The following CEP170B variants were observed in gnomAD, a reference collection of about 807,000 sequenced individuals.
CEP170B encodes centrosomal protein of 170 kDa protein B.
Under a neutral mutation model 120.6 loss-of-function variants are expected in CEP170B, and 55 were observed. The ratio of observed to expected loss-of-function variants is 0.46; its 90% CI spans 0.37 to 0.57. The LOEUF is 0.57. CEP170B is among the 20% of genes least tolerant of loss of function. CEP170B has a pLI of 0.00. For synonymous variants in CEP170B, 1,033 were observed against 954.5 expected (o/e 1.08, Z -1.52); for missense variants, 2,212 against 2,253.3 (o/e 0.98, Z 0.37).
chr14:104,881,191 G>A (rs1445526439), intron 6 of CEP170B, among the ~76,000 whole-genome samples: 2 of 152,172 alleles, frequency 1.3e-5, no homozygotes, highest in Non-Finnish European at 2.9e-5. Flanking sequence ...AGAAGTCTGG[G>A]AGGAGGACAG....
chr14:104,886,414 A>G lies in CEP170B; in HGVS notation c.2175A>G (p.Pro725=), dbSNP rs1896510018. ...GCAGCAGGAGGAGTGGGCCTGGGCC[A>G]CCGGAGCTGGACAGTGAGCAGCCCA... The part of the protein sequence containing the change: ...PESSRRSGPG[P]PELDSEQPSR... Residue 725 remains proline, a synonymous_variant, in exon 12 of 19, where the codon CCA becomes CCG. Coordinates refer to ENST00000414716, the MANE Select transcript of CEP170B (RefSeq NM_001112726.3). 6.3e-7 allele frequency: 1 copy of G among 1,580,264 alleles called. No homozygotes were observed. Among genetic ancestry groups the G allele is most frequent in the African/African-American group, 1.3e-5 (1 of 74,290 alleles).
chr14:104,872,229 C>T (rs1192535194), intron 2 of CEP170B, among the ~76,000 whole-genome samples: 24 of 112,470 alleles, frequency 2.1e-4, no homozygotes, highest in Non-Finnish European at 3.8e-4. Flanking sequence ...CATGGGTGTG[C>T]CGTGCGTGTG....
In CEP170B at chr14:104,887,589, C is replaced by T. The variant is rs62641741; in HGVS notation, c.3350C>T (p.Thr1117Ile). The T allele has an allele frequency of 4.7e-4, 753 of 1,587,570 alleles. 4 individuals are homozygous for T. In the African/African-American group the frequency reaches 8.7e-3, roughly 18 times the overall value. ...TTGACCCGCTCCAACAGCCTGTCCA[C>T]CCCTCGCCCCACACGGGCCTCCCGG... ...QALTRSNSLS[T>I]PRPTRASRLR... Residue 1117 changes from threonine (T) to isoleucine (I), a missense_variant, in exon 12 of 19, where the codon ACC becomes ATC. Around this residue, in one of 2 missense-constraint regions of CEP170B, gnomAD observed 2,166 missense variants for 2,166.7 expected, o/e 1.00. Transcript: ENST00000414716.
chr14:104,879,082 G>A (rs932524754), intron 5 of CEP170B, among the ~76,000 whole-genome samples: 2 of 152,214 alleles, frequency 1.3e-5, no homozygotes, highest in African/African-American at 2.4e-5. Flanking sequence ...CTCAGGTTAA[G>A]TAGCTTTGGG....
At chr14:104,881,405 C>G (rs1414297078) in intron 6 of CEP170B, among the ~76,000 whole-genome samples, 2 of 152,184 alleles carry the variant, frequency 1.3e-5, no homozygotes, top group African/African-American at 4.8e-5. Flanking sequence ...CCTGCCACCC[C>G]CAGCTTTGGC....
In CEP170B at chr14:104,884,061, G is replaced by C; in HGVS notation, c.1282G>C (p.Gly428Arg). The change falls in exon 9 of 19, where the codon GGG becomes CGG. Residue 428 changes from glycine (G) to arginine (R), a missense_variant. By Grantham distance (125) the Gly-to-Arg change is moderately radical. Coordinates refer to ENST00000414716, the MANE Select transcript of CEP170B (RefSeq NM_001112726.3). The part of the protein sequence containing the change: ...RSQSFTHSPS[G>R]DPKADKRRGP... ...CCAGTCCTTCACGCACAGCCCGTCC[G>C]GGGACCCCAAGGCCGACAAGCGCCG... The C allele has an allele frequency of 6.2e-7, 1 of 1,607,896 alleles. No individual in the cohort carries two copies. The highest frequency in any genetic ancestry group is 8.5e-7 in the Non-Finnish European group (1 of 1,177,410).
chr14:104,889,180 ACT>A (rs1456886349), intron 12 of CEP170B, among the ~76,000 whole-genome samples: 1 of 151,798 alleles, frequency 6.6e-6, no homozygotes, highest in African/African-American at 2.4e-5. Flanking sequence ...GGGGAGGTTT[ACT>A]CTGTTTTGGG....
At chr14:104,889,967 TA>T (rs1311210810) in intron 13 of CEP170B, among the ~76,000 whole-genome samples, 1 of 20,584 alleles carries the variant, frequency 4.9e-5, no homozygotes, top group African/African-American at 1.2e-4. Flanking sequence ...GATGGATGGA[TA>T]GGAGGGTGGG....
chr14:104,887,766 G>A lies in CEP170B; in HGVS notation c.3527G>A (p.Arg1176Gln), dbSNP rs757788364. The A allele has an allele frequency of 3.5e-5, 55 of 1,579,442 alleles. No homozygotes were observed. The highest frequency in any genetic ancestry group is 4.4e-5 in the Non-Finnish European group (51 of 1,164,234). ...RLDILAMPRKRAGSFTGTSDP... is the reference protein window; with the variant it reads ...RLDILAMPRKQAGSFTGTSDP... The stretch of plus-strand genomic sequence containing the variant: ...GACATCCTGGCCATGCCCCGGAAGC[G>A]GGCCGGCTCCTTCACAGGGACTAGT... Residue 1176 changes from arginine to glutamine, a missense_variant, in exon 12 of 19, where the codon CGG becomes CAG. Physicochemically the swap from Arg to Gln is conservative, Grantham distance 43. Coordinates refer to ENST00000414716, the MANE Select transcript of CEP170B (RefSeq NM_001112726.3).
In CEP170B at chr14:104,884,535, A is replaced by G; in HGVS notation, c.1756A>G (p.Lys586Glu). ...AQDTEVEEAR[K>E]MIDQVFGVLE... is the part of the protein sequence containing the mutation. ...GGACACGGAGGTGGAGGAGGCCCGGAAGATGATCGACCAGGTGCAGCCCAG... is the reference window on the plus strand; with the variant it reads ...GGACACGGAGGTGGAGGAGGCCCGGGAGATGATCGACCAGGTGCAGCCCAG... The change falls in exon 9 of 19, where the codon AAG (lysine) becomes GAG (glutamate). Residue 586 changes from lysine to glutamate, a missense_variant. Lys to Glu is a moderately conservative substitution (Grantham distance 56). Coordinates refer to ENST00000414716, the MANE Select transcript of CEP170B (RefSeq NM_001112726.3). 1 of 1,559,304 alleles carries G rather than the reference A, an allele frequency of 6.4e-7. No individual in the cohort carries two copies. The highest frequency in any genetic ancestry group is 8.7e-7 in the Non-Finnish European group (1 of 1,151,680).
rs1007509279 is a variant in CEP170B, at chr14:104,870,001, T to A, written c.105+1446T>A. Among the ~76,000 whole-genome samples, 20 of 152,260 alleles carry A rather than the reference T, an allele frequency of 1.3e-4. No homozygotes were observed. Among genetic ancestry groups the A allele is most frequent in the African/African-American group, 4.8e-4 (20 of 41,472 alleles). On this transcript the variant is annotated intron_variant, in intron 2 of 18. Coordinates refer to ENST00000414716, the MANE Select transcript of CEP170B (RefSeq NM_001112726.3). The surrounding 1 kb of genome is among the most constrained non-coding windows in gnomAD (Gnocchi z 4.1). Reference sequence around the variant, plus strand: ...ACCTTGTGGTTGGTTGTTCCGGCTCTGAAGTTCTTTAATCTGGAACATTCT... The same window carrying A: ...ACCTTGTGGTTGGTTGTTCCGGCTCAGAAGTTCTTTAATCTGGAACATTCT...
intron 4 of CEP170B, 128 bp from the exon 5 acceptor site, chr14:104,878,315 G>T: frequency 1.1e-6 from 1 of 934,148 alleles, no homozygotes; most frequent in Non-Finnish European, 1.7e-6. Flanking sequence ...GTGCCTCCCC[G>T]GGAAGAAAGA....
chr14:104,870,443 G>A lies in CEP170B; in HGVS notation c.105+1888G>A, dbSNP rs1245081291. Among the ~76,000 whole-genome samples, 1 of 152,196 alleles carries A rather than the reference G, an allele frequency of 6.6e-6. No individual in the cohort carries two copies. The highest frequency in any genetic ancestry group is 1.5e-5 in the Non-Finnish European group (1 of 68,036). ...CTGTATTTGGCGGGTTGCTCCCATG[G>A]TCTGCGTACAGGGGTGGCATCAGTG... On this transcript the variant is annotated intron_variant, in intron 2 of 18. Coordinates refer to ENST00000414716, the MANE Select transcript of CEP170B (RefSeq NM_001112726.3). This position sits in a 1 kb window ranked among gnomAD's most constrained non-coding sequence, Gnocchi z 4.1.
chr14:104,877,851 T>A, intron 3 of CEP170B, 34 bp from the exon 4 acceptor site: 5 of 372,892 alleles, frequency 1.3e-5, no homozygotes, highest in Non-Finnish European at 1.7e-5. Context: ...CCCGCGCAGC[T>A]CCCCCCCCCC....
chr14:104,866,216 G>GT (rs1455015056), intron 1 of CEP170B, among the ~76,000 whole-genome samples: 7 of 152,282 alleles, frequency 4.6e-5, no homozygotes, highest in African/African-American at 1.7e-4. Flanking sequence ...GGCCGGGGCA[G>GT]TGGGTGGCCT....
chr14:104,868,111 A>G lies in CEP170B; in HGVS notation c.-27-313A>G, dbSNP rs1895284120. On this transcript the variant is annotated intron_variant, in intron 1 of 18. Transcript: ENST00000414716. The surrounding 1 kb of genome is among the most constrained non-coding windows in gnomAD (Gnocchi z 5.9). Reference sequence around the variant, plus strand: ...TACAGGCAGTGCAGCCAGTGTCCCCATGAACTTCAACCCCTGACACCTGGA... The same window carrying G: ...TACAGGCAGTGCAGCCAGTGTCCCCGTGAACTTCAACCCCTGACACCTGGA... Among the ~76,000 whole-genome samples, 1 of 152,080 alleles carries G rather than the reference A, an allele frequency of 6.6e-6. No individual in the cohort carries two copies. Among genetic ancestry groups the G allele is most frequent in the Non-Finnish European group, 1.5e-5 (1 of 67,974 alleles).
In CEP170B at chr14:104,896,341, G is replaced by C. The variant is rs953102467; in HGVS notation, c.*1383G>C. 3.0e-6 allele frequency: 1 copy of C among 338,910 alleles called. No individual in the cohort carries two copies. The highest frequency in any genetic ancestry group is 5.9e-6 in the Non-Finnish European group (1 of 169,920). 21.0% of individuals were successfully genotyped at this position (338,910 alleles called of 1,614,324 possible). A position where few individuals can be genotyped will look rare whatever the true frequency, so the allele number is the denominator to read the frequency against. ...CGTGTGTGTGTGAGGGGGGGCGGGG[G>C]TGGCAGGTGTCCCCCCCTGGTCCCC... On this transcript the variant is annotated 3_prime_UTR_variant, in exon 19 of 19. Transcript: ENST00000414716.
intron 13 of CEP170B, among the ~76,000 whole-genome samples, chr14:104,892,182 A>G (rs2140751946): frequency 6.6e-6 from 1 of 152,254 alleles, no homozygotes; most frequent in Non-Finnish European, 1.5e-5. Context: ...TAAGTGGGGC[A>G]GGACCTGCTG....
intron 5 of CEP170B, 68 bp downstream of exon 5, chr14:104,878,569 C>T (rs565423799): frequency 5.9e-6 from 9 of 1,525,284 alleles, no homozygotes; most frequent in Non-Finnish European, 8.1e-6. Context: ...CCACCATGCT[C>T]CCGCTGCCAT....
Sources: allele counts gnomAD v4.1 joint callset (sites outside exome capture counted in the v4.1 genomes callset), GRCh38; gene constraint gnomAD v4.1.1; regional missense constraint gnomAD v4.1.1; non-coding constraint Gnocchi (gnomAD v3.1); transcripts MANE v1.5; gene names NCBI Gene and HGNC (gene_info 2026-07-23, HGNC 2026-07-21).